AMBRA1: variants seen among roughly 807,000 people sequenced by gnomAD.
AMBRA1 encodes activating molecule in BECN1-regulated autophagy protein 1.
Under a neutral mutation model 125.4 loss-of-function variants are expected in AMBRA1, and 47 were observed. That is an observed-to-expected ratio of 0.37 (90% CI 0.30 to 0.48). AMBRA1 has a LOEUF of 0.48. Ranked by LOEUF, AMBRA1 falls within the 20% of genes least tolerant of loss-of-function variation. The pLI is 0.99. For synonymous variants in AMBRA1, 626 were observed against 655.5 expected (o/e 0.95, Z 0.69); for missense variants, 1,331 against 1,693.4 (o/e 0.79, Z 3.76).
intron 12 of AMBRA1, among the ~76,000 whole-genome samples, chr11:46,440,448 T>G (rs1051587849): frequency 6.6e-6 from 1 of 152,214 alleles, no homozygotes; most frequent in African/African-American, 2.4e-5. Context: ...CTAACAGTGG[T>G]TACATGTGAG....
At chr11:46,510,198 G>C (rs555648772) in intron 8 of AMBRA1, among the ~76,000 whole-genome samples, 5 of 152,206 alleles carry the variant, frequency 3.3e-5, no homozygotes, top group Non-Finnish European at 7.4e-5. Flanking sequence ...GTAGGCATAG[G>C]AGGCACAGAT....
At chr11:46,428,747 C>G (rs912426146) in intron 14 of AMBRA1, 9 of 1,610,144 alleles carry the variant, frequency 5.6e-6, no homozygotes, top group Non-Finnish European at 7.6e-6. Flanking sequence ...CTTGTCGGCA[C>G]CAGGTGGCAC....
intron 11 of AMBRA1, among the ~76,000 whole-genome samples, chr11:46,488,464 A>C (rs1314452076): frequency 6.6e-6 from 1 of 152,054 alleles, no homozygotes. Flanking sequence ...AACAAAACAA[A>C]AAAAAAAACT....
intron 1 of AMBRA1, among the ~76,000 whole-genome samples, chr11:46,588,197 T>C (rs1222703389): frequency 6.6e-6 from 1 of 151,776 alleles, no homozygotes; most frequent in Non-Finnish European, 1.5e-5. Flanking sequence ...CTGGGCCTGG[T>C]GGCACGTGTC....
intron 11 of AMBRA1, among the ~76,000 whole-genome samples, chr11:46,456,851 G>A (rs1163920181): frequency 6.6e-6 from 1 of 152,220 alleles, no homozygotes; most frequent in African/African-American, 2.4e-5. Context: ...AACACTGGGA[G>A]ATGGCAGAAA....
chr11:46,549,370 T>A (rs1327573454), intron 1 of AMBRA1, among the ~76,000 whole-genome samples: 1 of 152,230 alleles, frequency 6.6e-6, no homozygotes, highest in Non-Finnish European at 1.5e-5. Context: ...GAAAGAATGG[T>A]ACAATAAACA....
chr11:46,582,432 A>T (rs888455691), intron 1 of AMBRA1, among the ~76,000 whole-genome samples: 17 of 152,172 alleles, frequency 1.1e-4, no homozygotes, highest in Non-Finnish European at 1.9e-4. Context: ...CACTGCAATT[A>T]TATGTTTATT....
intron 1 of AMBRA1, among the ~76,000 whole-genome samples, chr11:46,589,723 C>T (rs2044524175): frequency 6.6e-6 from 1 of 151,876 alleles, no homozygotes; most frequent in Admixed American, 6.6e-5. Flanking sequence ...GGGTTCACGC[C>T]ATTCTCCTGC....
chr11:46,408,845 T>A, intron 16 of AMBRA1, 139 bp from the exon 17 acceptor site: 1 of 688,354 alleles, frequency 1.5e-6, no homozygotes. Flanking sequence ...CTCCTGCAAC[T>A]ACATCTTGAT....
chr11:46,573,960 C>T (rs2043864184), intron 1 of AMBRA1, among the ~76,000 whole-genome samples: 1 of 144,214 alleles, frequency 6.9e-6, no homozygotes, highest in Admixed American at 6.9e-5. Context: ...ATGATGATTT[C>T]CAATTTCATC....
chr11:46,570,131 G>A (rs1029198701), intron 1 of AMBRA1, among the ~76,000 whole-genome samples: 11 of 150,974 alleles, frequency 7.3e-5, no homozygotes, highest in Non-Finnish European at 1.5e-4. Context: ...GCATGGTGGT[G>A]CATGCCTGTA....
intron 1 of AMBRA1, among the ~76,000 whole-genome samples, chr11:46,558,945 A>G (rs2043243184): frequency 6.6e-6 from 1 of 152,190 alleles, no homozygotes. Context: ...AGAGTTTTAA[A>G]AAGTGTGGTG....
At chr11:46,576,247 C>T (rs1014320786) in intron 1 of AMBRA1, among the ~76,000 whole-genome samples, 14 of 152,298 alleles carry the variant, frequency 9.2e-5, no homozygotes, top group African/African-American at 3.1e-4. Flanking sequence ...TTGATTACTG[C>T]TTTGTGAGAA....
intron 11 of AMBRA1, among the ~76,000 whole-genome samples, chr11:46,492,971 C>T (rs1021285897): frequency 1.3e-5 from 2 of 152,202 alleles, no homozygotes; most frequent in Admixed American, 6.5e-5. Context: ...ATTGCTTGAA[C>T]CCGGGAGGTG....
intron 14 of AMBRA1, among the ~76,000 whole-genome samples, chr11:46,427,763 C>T (rs531993587): frequency 6.6e-6 from 1 of 152,248 alleles, no homozygotes; most frequent in Admixed American, 6.5e-5. Flanking sequence ...AATCCCAGCA[C>T]TTTGGGAGGC....
At chr11:46,405,591 T>C (rs1321666801) in intron 17 of AMBRA1, among the ~76,000 whole-genome samples, 1 of 151,464 alleles carries the variant, frequency 6.6e-6, no homozygotes. Flanking sequence ...CCAGGCATGG[T>C]GGCACACACC....
intron 1 of AMBRA1, among the ~76,000 whole-genome samples, chr11:46,569,440 A>AAAATATATATAT (rs1477022124): frequency 1.5e-5 from 2 of 131,384 alleles, no homozygotes; most frequent in African/African-American, 5.9e-5. Flanking sequence ...AAAAAAAAAA[A>AAAATATATATAT]ATATATATAT....
At chr11:46,429,054 G>T in intron 14 of AMBRA1, 1 of 1,610,998 alleles carries the variant, frequency 6.2e-7, no homozygotes, top group Non-Finnish European at 8.5e-7. Context: ...GCCAGCTCCG[G>T]GTGCTTAGGC....
At chr11:46,583,365 G>GGTT (rs1175791868) in intron 1 of AMBRA1, among the ~76,000 whole-genome samples, 2 of 151,562 alleles carry the variant, frequency 1.3e-5, no homozygotes, top group East Asian at 3.9e-4. Context: ...ATGGATTAAA[G>GGTT]ACTTAAACGT....
Sources: allele counts gnomAD v4.1 joint callset (sites outside exome capture counted in the v4.1 genomes callset), GRCh38; gene constraint gnomAD v4.1.1; transcripts MANE v1.5; gene names NCBI Gene and HGNC (gene_info 2026-07-23, HGNC 2026-07-21).